The following PTGES3 variants were observed in gnomAD, a reference collection of about 807,000 sequenced individuals.
PTGES3 encodes the protein Hsp90 co-chaperone.
A neutral mutation model predicts 29.9 loss-of-function variants in PTGES3; 5 were observed. That is an observed-to-expected ratio of 0.17 (90% CI 0.09 to 0.35). PTGES3 has a LOEUF of 0.35. Among genes scored for constraint, PTGES3 ranks in the 10% least tolerant of loss-of-function variants. The pLI is 1.00. For synonymous variants in PTGES3, 49 were observed against 57.8 expected (o/e 0.85, Z 0.69); for missense variants, 128 against 190.0 (o/e 0.67, Z 1.92).
At chr12:56,666,062 A>C in intron 6 of PTGES3, 142 bp downstream of exon 6, 1 of 1,401,212 alleles carries the variant, frequency 7.1e-7, no homozygotes, top group Non-Finnish European at 9.3e-7. Flanking sequence ...AAATGGGCAC[A>C]TTTTAAAAAT....
At position 56,688,200 on chromosome 12, in the gene PTGES3, C is replaced by T; in HGVS notation, c.-201G>A. On this transcript the variant is annotated 5_prime_UTR_variant, in exon 1 of 8. Coordinates refer to ENST00000262033, the MANE Select transcript of PTGES3 (RefSeq NM_006601.7). ...GCACCGCGCGGAAAGAGCGGCTCCT[C>T]CGGTCGGGGAGAAGAGGAAAGTGTA... The T allele has an allele frequency of 2.1e-6, 2 of 948,522 alleles. No individual in the cohort carries two copies. Among genetic ancestry groups the T allele is most frequent in the Non-Finnish European group, 2.9e-6 (2 of 690,056 alleles). 58.8% of individuals were successfully genotyped at this position (948,522 alleles called of 1,614,324 possible). A position where few individuals can be genotyped will look rare whatever the true frequency, so the allele number is the denominator to read the frequency against.
chr12:56,679,070 T>C (rs183167188), intron 1 of PTGES3, among the ~76,000 whole-genome samples: 25 of 152,234 alleles, frequency 1.6e-4, no homozygotes, highest in African/African-American at 5.5e-4. Context: ...GTGAGCATGG[T>C]TGTACCACTG....
In PTGES3 at chr12:56,671,749, C is replaced by T; in HGVS notation, c.285G>A (p.Lys95=). 6.6e-7 allele frequency: 1 copy of T among 1,521,450 alleles called. No individual in the cohort carries two copies. The highest frequency in any genetic ancestry group is 8.8e-7 in the Non-Finnish European group (1 of 1,132,108). 94.2% of individuals were successfully genotyped at this position (1,521,450 alleles called of 1,614,324 possible). ...TTCAAAAAAGGAAAATGAAACCTAC[C>T]TTTGCCCTTTCTTTTGTTAACCTTG... ...SWPRLTKERA[K]LNWLSVDFNN... The change falls in exon 4 of 8, where the codon AAG becomes AAA. Residue 95 remains lysine, a splice_region_variant and synonymous_variant. Transcript: ENST00000262033.
At chr12:56,684,791 G>A (rs534219793) in intron 1 of PTGES3, among the ~76,000 whole-genome samples, 1 of 152,264 alleles carries the variant, frequency 6.6e-6, no homozygotes, top group Non-Finnish European at 1.5e-5. Context: ...CTCCAAGATA[G>A]GTCCGAAATT....
chr12:56,685,404 T>C (rs190552640), intron 1 of PTGES3, among the ~76,000 whole-genome samples: 4,480 of 26,796 alleles, frequency 0.17, 52 homozygotes, highest in Non-Finnish European at 0.21. Flanking sequence ...CTTTTCTTTT[T>C]TTTTTTTTTT....
At chr12:56,682,691 A>G (rs2137710642) in intron 1 of PTGES3, among the ~76,000 whole-genome samples, 1 of 149,776 alleles carries the variant, frequency 6.7e-6, no homozygotes, top group Non-Finnish European at 1.5e-5. Flanking sequence ...CAACCTGGAC[A>G]ACACGGTAAG....
chr12:56,688,185 G>C lies in PTGES3; in HGVS notation c.-186C>G, dbSNP rs992386729. The C allele has an allele frequency of 3.6e-6, 4 of 1,099,448 alleles. No individual in the cohort carries two copies. The African/African-American group carries it at 5.0e-5, about 14-fold the overall frequency. 68.1% of individuals were successfully genotyped at this position (1,099,448 alleles called of 1,614,324 possible). A position where few individuals can be genotyped will look rare whatever the true frequency, so the allele number is the denominator to read the frequency against. ...CTCGGGCCCCAGAATGCACCGCGCG[G>C]AAAGAGCGGCTCCTCCGGTCGGGGA... is the stretch of plus-strand genomic sequence containing the variant. On this transcript the variant is annotated 5_prime_UTR_variant, in exon 1 of 8. Coordinates refer to ENST00000262033, the MANE Select transcript of PTGES3 (RefSeq NM_006601.7).
At chr12:56,665,387 C>A (rs369388617) in intron 6 of PTGES3, 2 of 880,294 alleles carry the variant, frequency 2.3e-6, no homozygotes, top group Non-Finnish European at 2.7e-6. Context: ...CTCTGCCTCC[C>A]GGGTTCAAGC....
At position 56,684,126 on chromosome 12, in the gene PTGES3, T is replaced by C. The variant is rs192195083; in HGVS notation, c.2+3872A>G. Among the ~76,000 whole-genome samples the C allele has an allele frequency of 4.1e-3, 630 of 152,262 alleles. 2 individuals carry two copies. Among genetic ancestry groups the C allele is most frequent in the Non-Finnish European group, 6.9e-3 (466 of 68,022 alleles). On this transcript the variant is annotated intron_variant, in intron 1 of 7. Transcript: ENST00000262033. Reference sequence around the variant, plus strand: ...TGATCTTAGGTGTTTAACAGCGAGATTGGTTCTGAACAGTTGATATTTACA... The same window carrying C: ...TGATCTTAGGTGTTTAACAGCGAGACTGGTTCTGAACAGTTGATATTTACA...
chr12:56,677,409 T>C (rs1952306589), intron 1 of PTGES3, among the ~76,000 whole-genome samples: 2 of 152,168 alleles, frequency 1.3e-5, no homozygotes, highest in African/African-American at 4.8e-5. Flanking sequence ...AGGAGTTTTG[T>C]TGTGCTCTTA....
intron 5 of PTGES3, 98 bp downstream of exon 5, chr12:56,670,177 T>A (rs750204649): frequency 2.7e-6 from 2 of 750,608 alleles, no homozygotes; most frequent in Non-Finnish European, 4.6e-6. Flanking sequence ...ATAACATGCA[T>A]CATGAATACC....
chr12:56,664,376 G>C lies in PTGES3; in HGVS notation c.*103C>G. 7.5e-7 allele frequency: 1 copy of C among 1,335,766 alleles called. No homozygotes were observed. Among genetic ancestry groups the C allele is most frequent in the African/African-American group, 1.5e-5 (1 of 67,690 alleles). The allele number at this position is 1,335,766 out of a possible 1,614,324, so 82.7% of individuals were successfully genotyped here. A position where few individuals can be genotyped will look rare whatever the true frequency, so the allele number is the denominator to read the frequency against. ...AAATGGGTTAAAGTAGGCAAATACA[G>C]CATATCTGCCTTTAGAGCTATCAAC... On this transcript the variant is annotated 3_prime_UTR_variant, in exon 8 of 8. Coordinates refer to ENST00000262033, the MANE Select transcript of PTGES3 (RefSeq NM_006601.7).
At chr12:56,671,284 G>C (rs1364032732) in intron 4 of PTGES3, among the ~76,000 whole-genome samples, 2 of 152,062 alleles carry the variant, frequency 1.3e-5, no homozygotes, top group Admixed American at 1.3e-4. Flanking sequence ...TACAGTCCCA[G>C]CTACTTGGGG....
intron 1 of PTGES3, among the ~76,000 whole-genome samples, chr12:56,678,216 C>G (rs1404319486): frequency 6.6e-6 from 1 of 152,070 alleles, no homozygotes; most frequent in African/African-American, 2.4e-5. Flanking sequence ...CTGGCTCTGT[C>G]GCCCAGGTTG....
intron 1 of PTGES3, among the ~76,000 whole-genome samples, chr12:56,686,109 T>C (rs1952834047): frequency 1.1e-5 from 1 of 93,166 alleles, no homozygotes; most frequent in African/African-American, 3.3e-5. Context: ...TTAAATCTAC[T>C]TTCCTAGTAA....
chr12:56,680,488 C>G (rs1313129451), intron 1 of PTGES3, among the ~76,000 whole-genome samples: 1 of 151,818 alleles, frequency 6.6e-6, no homozygotes, highest in South Asian at 2.1e-4. Context: ...CAGGTTCAAG[C>G]GACTATCCTG....
chr12:56,680,778 A>G (rs1005361285), intron 1 of PTGES3, among the ~76,000 whole-genome samples: 1 of 91,894 alleles, frequency 1.1e-5, no homozygotes, highest in Admixed American at 1.3e-4. Context: ...TTGTTTTTTA[A>G]AAGTTTTTTT....
At chr12:56,674,928 TG>T (rs1488361133) in intron 1 of PTGES3, among the ~76,000 whole-genome samples, 1 of 122,392 alleles carries the variant, frequency 8.2e-6, no homozygotes, top group African/African-American at 3.2e-5. Flanking sequence ...CGCTTGAACC[TG>T]GGAAGTGGAG....
At chr12:56,682,077 C>A (rs1050459158) in intron 1 of PTGES3, among the ~76,000 whole-genome samples, 7 of 152,016 alleles carry the variant, frequency 4.6e-5, no homozygotes, top group Non-Finnish European at 8.8e-5. Context: ...GAACTCCTGA[C>A]CACAAGTGAC....
Sources: gnomAD v4.1 joint callset for allele counts (sites outside exome capture counted in the v4.1 genomes callset) on GRCh38, gnomAD v4.1.1 for gene constraint, MANE v1.5 for transcripts, NCBI Gene and HGNC (gene_info 2026-07-23, HGNC 2026-07-21) for gene names.